The following RYR1 variants were observed in gnomAD, a reference collection of about 807,000 sequenced individuals.
RYR1 encodes ryanodine receptor 1.
RYR1 carries 342 observed loss-of-function variants against 583.5 expected under a neutral mutation model. The ratio of observed to expected loss-of-function variants is 0.59; its 90% CI spans 0.54 to 0.64. The LOEUF (loss-of-function observed/expected upper bound fraction) is 0.64, where lower values mean the gene tolerates loss of function less well. Among genes scored for constraint, RYR1 ranks in the 30% least tolerant of loss-of-function variants. RYR1 has a pLI of 0.00. For synonymous variants in RYR1, 2,791 were observed against 2,822.5 expected (o/e 0.99, Z 0.35); for missense variants, 6,032 against 6,917.2 (o/e 0.87, Z 4.54).
chr19:38,453,721 G>A (rs909939089), intron 13 of RYR1, among the ~76,000 whole-genome samples: 3 of 152,028 alleles, frequency 2.0e-5, no homozygotes, highest in Non-Finnish European at 4.4e-5. Context: ...GTGACCTGGA[G>A]GAAGAGAGGA....
chr19:38,586,787 A>C (rs971872519), intron 105 of RYR1, among the ~76,000 whole-genome samples: 1 of 152,204 alleles, frequency 6.6e-6, no homozygotes, highest in Non-Finnish European at 1.5e-5. Context: ...CCTGGCCAGC[A>C]TGGTGAAATT....
At chr19:38,477,598 C>G (rs1243331023) in intron 29 of RYR1, 112 bp from the exon 30 acceptor site, 1 of 1,351,906 alleles carries the variant, frequency 7.4e-7, no homozygotes, top group Non-Finnish European at 1.1e-6. Context: ...CCAACAACTT[C>G]CTGTTAAACT....
rs193922767 is a variant in RYR1 at position 38,452,996 on chromosome 19, G to A, written c.1422G>A (p.Gln474=). The change falls in exon 13 of 106, where the codon CAG becomes CAA. Residue 474 remains glutamine (Q), a synonymous_variant. Transcript: ENST00000359596. ...AGCTGCGAAGCCTGCGCAACCGCCA[G>A]AGCCTCTTCCAGGAGGAGGTGAGGA... is the stretch of plus-strand genomic sequence containing the variant. ...QSKLRSLRNR[Q]SLFQEEGMLS... 21 of 1,613,710 alleles carry A rather than the reference G, an allele frequency of 1.3e-5. No individual in the cohort carries two copies. Among genetic ancestry groups the A allele is most frequent in the Non-Finnish European group, 1.4e-5 (17 of 1,179,800 alleles).
chr19:38,558,483 C>A (rs555408449), intron 89 of RYR1, among the ~76,000 whole-genome samples: 11 of 152,030 alleles, frequency 7.2e-5, no homozygotes, highest in African/African-American at 2.7e-4. Context: ...TACTATGTAC[C>A]CACAAAAATG....
In RYR1 at chr19:38,511,551, C is replaced by T. The variant is rs781145951; in HGVS notation, c.9123-10C>T. On this transcript the variant is annotated splice_polypyrimidine_tract_variant and intron_variant, in intron 60 of 105. Transcript: ENST00000359596. ...TTTCTCCTGCCTTCTGTCCCTTTCTCTTTCTTCAGCCTCTTCTGCAAACTT... is the reference window on the plus strand; with the variant it reads ...TTTCTCCTGCCTTCTGTCCCTTTCTTTTTCTTCAGCCTCTTCTGCAAACTT... 1.9e-6 allele frequency: 3 copies of T among 1,613,816 alleles called. No homozygotes were observed. In the South Asian group the frequency reaches 3.3e-5, roughly 18 times the overall value.
intron 19 of RYR1, among the ~76,000 whole-genome samples, chr19:38,459,746 A>G (rs1967625992): frequency 6.6e-6 from 1 of 152,046 alleles, no homozygotes; most frequent in African/African-American, 2.4e-5. Flanking sequence ...TCTGATAATG[A>G]TCTAATGACT....
At chr19:38,571,252 G>T (rs748462184) in intron 94 of RYR1, among the ~76,000 whole-genome samples, 2 of 152,138 alleles carry the variant, frequency 1.3e-5, no homozygotes, top group Non-Finnish European at 2.9e-5. Context: ...GCCCACTGGC[G>T]CATGACGATA....
At position 38,444,685 on chromosome 19, in the gene RYR1, C is replaced by T. The variant is rs764728964; in HGVS notation, c.631+8C>T. 11 of 1,596,732 alleles carry T rather than the reference C, an allele frequency of 6.9e-6. No individual in the cohort carries two copies. The highest frequency in any genetic ancestry group is 5.5e-5 in the African/African-American group (4 of 73,266). On this transcript the variant is annotated splice_region_variant and intron_variant, in intron 7 of 105. Coordinates refer to ENST00000359596, the MANE Select transcript of RYR1 (RefSeq NM_000540.3). This position sits in a 1 kb window ranked among gnomAD's most constrained non-coding sequence, Gnocchi z 5.1. ...GCTCCCGCTGCGAAGAGGGTGAGGG[C>T]CCCAGACCTCCCCCTAAATGGAGAT...
chr19:38,464,232 ACACTACTG>A (rs1967959242), intron 22 of RYR1, among the ~76,000 whole-genome samples: 1 of 139,328 alleles, frequency 7.2e-6, no homozygotes, highest in Non-Finnish European at 1.5e-5. Flanking sequence ...AGCCGAGATC[ACACTACTG>A]CACTCCAGCC....
At chr19:38,466,046 G>A (rs1308321816) in intron 23 of RYR1, 45 bp from the exon 24 acceptor site, 1 of 1,563,262 alleles carries the variant, frequency 6.4e-7, no homozygotes, top group African/African-American at 1.4e-5. Flanking sequence ...GAGCCCGGAA[G>A]TGGAGGTGAG....
At chr19:38,535,933 C>A (rs377538704) in intron 81 of RYR1, 64 bp from the exon 82 acceptor site, 3 of 1,473,992 alleles carry the variant, frequency 2.0e-6, no homozygotes, top group African/African-American at 1.4e-5. Flanking sequence ...AGCTGCCAGG[C>A]CCTGGGAGAG....
At chr19:38,566,889 C>T (rs1480311958) in intron 91 of RYR1, 22 bp from the exon 92 acceptor site, 2 of 1,595,620 alleles carry the variant, frequency 1.3e-6, no homozygotes, top group Non-Finnish European at 1.7e-6. Flanking sequence ...GGACTCAGCC[C>T]TGATGCTTGC....
In RYR1 at chr19:38,528,629, C is replaced by A; in HGVS notation, c.10968C>A (p.Ser3656Arg). 2 of 1,614,170 alleles carry A rather than the reference C, an allele frequency of 1.2e-6. No homozygotes were observed. The change falls in exon 75 of 106, where the codon AGC becomes AGA. Residue 3656 changes from serine (S) to arginine (R), a missense_variant. Ser to Arg is a moderately radical substitution (Grantham distance 110, BLOSUM62 -1). This residue lies in a region of RYR1 where 1,493 missense variants were observed against 1,715.5 expected (regional missense o/e 0.87). Transcript: ENST00000359596. ...GGGCATGTAACATGTTCCTGGAGAG[C>A]TACAAGGCTGCATGGATCCTGACTG... ...THRACNMFLESYKAAWILTED... is the reference protein window; with the variant it reads ...THRACNMFLERYKAAWILTED...
In RYR1 at chr19:38,563,766, G is replaced by A. The variant is rs545211035; in HGVS notation, c.12625-1193G>A. Among the ~76,000 whole-genome samples, 10 of 152,340 alleles carry A rather than the reference G, an allele frequency of 6.6e-5. No homozygotes were observed. The East Asian group carries it at 1.9e-3, about 29-fold the overall frequency. On this transcript the variant is annotated intron_variant, in intron 90 of 105. Transcript: ENST00000359596. ...GGATTTGAACCCAGGCAGGCTGGCT[G>A]CAGAGCCTTTGCCTTTAAGCACTAT...
intron 34 of RYR1, among the ~76,000 whole-genome samples, chr19:38,487,900 A>G (rs765542340): frequency 1.3e-5 from 2 of 152,176 alleles, no homozygotes; most frequent in Non-Finnish European, 2.9e-5. Context: ...TCCCAGTGTT[A>G]GGATTACAGG....
intron 90 of RYR1, 84 bp from the exon 91 acceptor site, chr19:38,564,875 C>T (rs912963146): frequency 6.8e-5 from 104 of 1,529,686 alleles, no homozygotes; most frequent in Non-Finnish European, 8.4e-5. Context: ...GCCGCGGTGA[C>T]CCCTTGTAGC....
chr19:38,520,274 C>G (rs1458255688), intron 67 of RYR1, among the ~76,000 whole-genome samples: 1 of 151,060 alleles, frequency 6.6e-6, no homozygotes, highest in Non-Finnish European at 1.5e-5. Flanking sequence ...CTATGTTGCC[C>G]AGGTTGGTCT....
chr19:38,543,470 T>G lies in RYR1; in HGVS notation c.11778+35T>G, dbSNP rs774938106. On this transcript the variant is annotated intron_variant, in intron 85 of 105. Transcript: ENST00000359596. The surrounding 1 kb of genome is among the most constrained non-coding windows in gnomAD (Gnocchi z 4.4). ...TGAGACGGTTCAGGTGTGACTTGGG[T>G]CGGGGGCTGCAGGGCCATGGTCGGC... 3.7e-6 allele frequency: 6 copies of G among 1,613,998 alleles called. No individual in the cohort carries two copies. Among genetic ancestry groups the G allele is most frequent in the Non-Finnish European group, 1.7e-6 (2 of 1,180,014 alleles).
chr19:38,469,188 T>C (rs1373861710), intron 26 of RYR1, 48 bp downstream of exon 26: 1 of 1,611,916 alleles, frequency 6.2e-7, no homozygotes, highest in Non-Finnish European at 8.5e-7. Context: ...TTCCTCTGTC[T>C]CTCCCAACCC....
Sources: gnomAD v4.1 joint callset for allele counts (sites outside exome capture counted in the v4.1 genomes callset) on GRCh38, gnomAD v4.1.1 for gene constraint, gnomAD v4.1.1 regional missense constraint, Gnocchi (gnomAD v3.1) non-coding constraint, MANE v1.5 for transcripts, NCBI Gene and HGNC (gene_info 2026-07-23, HGNC 2026-07-21) for gene names.